VWCE: variants seen among roughly 807,000 people sequenced by gnomAD.
VWCE encodes the protein von Willebrand factor C and EGF domains, also known as von Willebrand factor C and EGF domain-containing protein.
VWCE carries 68 observed loss-of-function variants against 102.9 expected under a neutral mutation model. The ratio of observed to expected loss-of-function variants is 0.66; its 90% CI spans 0.54 to 0.81. The LOEUF (loss-of-function observed/expected upper bound fraction) is 0.81, where lower values mean the gene tolerates loss of function less well. Among genes scored for constraint, VWCE ranks in the 30% least tolerant of loss-of-function variants. The pLI, the probability that VWCE is intolerant of heterozygous loss-of-function variation, is 0.00. For missense variants in VWCE, 1,137 were observed against 1,263.6 expected, an observed-to-expected ratio of 0.90 and a Z score of 1.52; for synonymous variants, 497 against 515.4, an observed-to-expected ratio of 0.96 and a Z score of 0.48.
rs1590601072 is a variant in VWCE at position 61,258,773 on chromosome 11, T to G, written c.2770A>C (p.Thr924Pro). 6.7e-7 allele frequency: 1 copy of G among 1,481,568 alleles called. No homozygotes were observed. Among genetic ancestry groups the G allele is most frequent in the East Asian group, 2.4e-5 (1 of 42,404 alleles). 91.8% of individuals were successfully genotyped at this position (1,481,568 alleles called of 1,614,324 possible). Residue 924 changes from threonine (T) to proline (P), a missense_variant, in exon 20 of 20, where the codon ACC (threonine) becomes CCC (proline). By Grantham distance (38) the Thr-to-Pro change is conservative (BLOSUM62 -1). Around this residue, in one of 5 missense-constraint regions of VWCE, gnomAD observed 316 missense variants for 319.3 expected, o/e 0.99. Coordinates refer to ENST00000335613, the MANE Select transcript of VWCE (RefSeq NM_152718.2). ...TLLGPRVLSP[T>P]TSRLSTALAA... ...AGGGCTGTGGAGAGTCTAGAGGTGG[T>G]GGGAGAAAGCACGCGAGGCCCGAGG...
intron 5 of VWCE, among the ~76,000 whole-genome samples, chr11:61,284,426 A>G (rs1385277804): frequency 1.3e-5 from 2 of 152,190 alleles, no homozygotes; most frequent in Non-Finnish European, 2.9e-5. Context: ...GTAAGTGCCC[A>G]TGTACGTACG....
At chr11:61,268,125 A>G (rs940602644) in intron 15 of VWCE, among the ~76,000 whole-genome samples, 2 of 150,550 alleles carry the variant, frequency 1.3e-5, no homozygotes, top group African/African-American at 4.9e-5. Flanking sequence ...TATATATTAT[A>G]TATATAATGT....
chr11:61,279,301 G>A (rs1334400013), intron 9 of VWCE, among the ~76,000 whole-genome samples: 3 of 152,072 alleles, frequency 2.0e-5, no homozygotes, highest in African/African-American at 4.8e-5. Context: ...CAGGCCCAGC[G>A]GCTCATGCCT....
chr11:61,267,700 T>A (rs1258521870), intron 15 of VWCE, among the ~76,000 whole-genome samples, 156 bp from the exon 16 acceptor site: 1 of 152,214 alleles, frequency 6.6e-6, no homozygotes, highest in African/African-American at 2.4e-5. Flanking sequence ...ACAAAACGCC[T>A]GTTTGGATTG....
Position 61,271,753 on chromosome 11 carries a change from A to C in VWCE, c.1707T>G (p.Ser569=). Residue 569 remains serine, a synonymous_variant, in exon 14 of 20, where the codon TCT becomes TCG. Coordinates refer to ENST00000335613, the MANE Select transcript of VWCE (RefSeq NM_152718.2). ...GAAACTCAACCCCGTTGTCGTCAAG[A>C]GAGCAGCCTGGATGAGGACAATGGC... is the stretch of plus-strand genomic sequence containing the variant. ...CQEPTPSTGC[S]LDDNGVEFPI... 1 of 1,613,378 alleles carries C rather than the reference A, an allele frequency of 6.2e-7. No individual in the cohort carries two copies. The highest frequency in any genetic ancestry group is 8.5e-7 in the Non-Finnish European group (1 of 1,179,672).
At chr11:61,293,013 G>A (rs1333323309) in intron 1 of VWCE, among the ~76,000 whole-genome samples, 2 of 151,454 alleles carry the variant, frequency 1.3e-5, no homozygotes, top group African/African-American at 2.4e-5. Context: ...AGGCCAAGGC[G>A]GGCGGATCAC....
At chr11:61,281,363 CTA>C in intron 7 of VWCE, 128 bp from the exon 8 acceptor site, 1 of 1,141,504 alleles carries the variant, frequency 8.8e-7, no homozygotes, top group Non-Finnish European at 1.2e-6. Context: ...CAACATTCTA[CTA>C]TGTTTATGGG....
At chr11:61,266,024 G>A (rs1383693921) in intron 16 of VWCE, among the ~76,000 whole-genome samples, 4 of 151,072 alleles carry the variant, frequency 2.6e-5, no homozygotes, top group Non-Finnish European at 5.9e-5. Context: ...CCAGCCTGGC[G>A]ACAGAGTGAG....
At position 61,259,129 on chromosome 11, in the gene VWCE, G is replaced by A. The variant is rs376663050; in HGVS notation, c.2414C>T (p.Thr805Met). 8.7e-6 allele frequency: 14 copies of A among 1,614,118 alleles called. No homozygotes were observed. Among genetic ancestry groups the A allele is most frequent in the Middle Eastern group, 1.6e-4 (1 of 6,062 alleles). Residue 805 changes from threonine (T) to methionine (M), a missense_variant, in exon 20 of 20, where the codon ACG becomes ATG. This residue lies in a region of VWCE where 316 missense variants were observed against 319.3 expected (regional missense o/e 0.99). Transcript: ENST00000335613. ...TAAAGTCTGTGTTTTCATCAAGTTCGTTCTTAAAAGGAGCTGGAGGAGATG... is the reference window on the plus strand; with the variant it reads ...TAAAGTCTGTGTTTTCATCAAGTTCATTCTTAAAAGGAGCTGGAGGAGATG... ...VLHLLQLLLR[T>M]NLMKTQTLPT...
intron 9 of VWCE, among the ~76,000 whole-genome samples, chr11:61,280,079 C>T (rs745787527): frequency 2.6e-5 from 4 of 152,078 alleles, no homozygotes; most frequent in African/African-American, 7.2e-5. Context: ...GAGCAAGTTT[C>T]GAGAAGCTCT....
rs141301435 is a variant in VWCE at position 61,276,622 on chromosome 11, G to C, written c.1466C>G (p.Pro489Arg). 6 of 1,600,758 alleles carry C rather than the reference G, an allele frequency of 3.7e-6. No homozygotes were observed. The highest frequency in any genetic ancestry group is 5.1e-6 in the Non-Finnish European group (6 of 1,173,434). Reference protein sequence around the residue: ...ECPSGPCQTPPQTDCCTCVPV... With the variant: ...ECPSGPCQTPRQTDCCTCVPV... ...AACACAAGTACAGCAATCCGTCTGT[G>C]GGGGGGTCTGACAGGGGCCAGAAGG... Residue 489 changes from proline (P) to arginine (R), a missense_variant, in exon 11 of 20, where the codon CCA (proline) becomes CGA (arginine). By Grantham distance (103) the Pro-to-Arg change is moderately radical. Transcript: ENST00000335613.
intron 4 of VWCE, among the ~76,000 whole-genome samples, chr11:61,289,264 G>A (rs1004732696): frequency 8.6e-5 from 13 of 150,982 alleles, no homozygotes; most frequent in East Asian, 5.9e-4. Context: ...TTTTCTTTTT[G>A]TTTTTTTGAG....
At chr11:61,293,098 G>T (rs908959983) in intron 1 of VWCE, among the ~76,000 whole-genome samples, 1 of 151,960 alleles carries the variant, frequency 6.6e-6, no homozygotes, top group South Asian at 2.1e-4. Flanking sequence ...AAAATTAGCC[G>T]GGCATGGTGG....
At chr11:61,292,757 C>T (rs1232868181) in intron 1 of VWCE, among the ~76,000 whole-genome samples, 2 of 152,100 alleles carry the variant, frequency 1.3e-5, no homozygotes, top group African/African-American at 4.8e-5. Context: ...TAGGTGATAA[C>T]AGCATAGAGT....
Position 61,295,043 on chromosome 11 carries a change from G to T in VWCE, c.-6C>A. ...AGGAGCAGTCCGGCCCACATGACCG[G>T]CGGCGGCGGGTCCCCCGGGCTGGGC... On this transcript the variant is annotated 5_prime_UTR_variant, in exon 1 of 20. Coordinates refer to ENST00000335613, the MANE Select transcript of VWCE (RefSeq NM_152718.2). The surrounding 1 kb of genome is among the most constrained non-coding windows in gnomAD (Gnocchi z 4.6). The T allele has an allele frequency of 1.5e-6, 2 of 1,362,736 alleles. No individual in the cohort carries two copies. The highest frequency in any genetic ancestry group is 9.5e-7 in the Non-Finnish European group (1 of 1,053,654). The allele number at this position is 1,362,736 out of a possible 1,614,324, so 84.4% of individuals were successfully genotyped here.
Position 61,280,609 on chromosome 11 carries a change from G to A in VWCE, c.1324+15C>T. ...AAGAGGCAGGACTATGTCCTTCCCT[G>A]GCACCAGCTCTCACCTGTGCACGAT... is the stretch of plus-strand genomic sequence containing the variant. On this transcript the variant is annotated intron_variant, in intron 9 of 19. Coordinates refer to ENST00000335613, the MANE Select transcript of VWCE (RefSeq NM_152718.2). The A allele has an allele frequency of 5.0e-6, 8 of 1,612,960 alleles. No individual in the cohort carries two copies. The highest frequency in any genetic ancestry group is 6.8e-6 in the Non-Finnish European group (8 of 1,179,184).
chr11:61,276,549 T>TAAAAA, intron 11 of VWCE, 44 bp downstream of exon 11: 2 of 1,148,228 alleles, frequency 1.7e-6, no homozygotes, highest in Admixed American at 3.6e-5. Flanking sequence ...ACAAAAAATC[T>TAAAAA]AAAAAAAAAA....
rs371598835 is a variant in VWCE at position 61,269,470 on chromosome 11, G to A, written c.1786-452C>T. Reference sequence around the variant, plus strand: ...CTTTTTTTTTTTTTCTTTTTAAGACGGAGTCTCACTCTATTGCCAGGCTGG... The same window carrying A: ...CTTTTTTTTTTTTTCTTTTTAAGACAGAGTCTCACTCTATTGCCAGGCTGG... On this transcript the variant is annotated intron_variant, in intron 14 of 19. Coordinates refer to ENST00000335613, the MANE Select transcript of VWCE (RefSeq NM_152718.2). 7 of 158,488 alleles carry A rather than the reference G, an allele frequency of 4.4e-5. No homozygotes were observed. In the South Asian group the frequency reaches 7.1e-4, roughly 16 times the overall value. The allele number at this position is 158,488 out of a possible 1,614,324, so 9.8% of individuals were successfully genotyped here.
At chr11:61,278,926 C>A (rs1384907044) in intron 9 of VWCE, among the ~76,000 whole-genome samples, 1 of 152,080 alleles carries the variant, frequency 6.6e-6, no homozygotes, top group East Asian at 1.9e-4. Flanking sequence ...GTAATCCCAG[C>A]TACTCGGGAG....
Sources: allele counts gnomAD v4.1 joint callset (sites outside exome capture counted in the v4.1 genomes callset), GRCh38; gene constraint gnomAD v4.1.1; regional missense constraint gnomAD v4.1.1; non-coding constraint Gnocchi (gnomAD v3.1); transcripts MANE v1.5; gene names NCBI Gene and HGNC (gene_info 2026-07-23, HGNC 2026-07-21).